The following RO60 variants were observed in gnomAD, a reference collection of about 807,000 sequenced individuals.
RO60 encodes the protein RNA-binding protein RO60.
RO60 carries 20 observed loss-of-function variants against 55.3 expected under a neutral mutation model. That is an observed-to-expected ratio of 0.36 (90% CI 0.25 to 0.53). The LOEUF is 0.53. RO60 is among the 20% of genes least tolerant of loss of function. The pLI is 0.92. For synonymous variants in RO60, 213 were observed against 213.6 expected, an observed-to-expected ratio of 1.00 and a Z score of 0.02; for missense variants, 558 against 646.6, an observed-to-expected ratio of 0.86 and a Z score of 1.49.
At chr1:193,074,499 A>G (rs1673758088) in intron 2 of RO60, among the ~76,000 whole-genome samples, 1 of 152,188 alleles carries the variant, frequency 6.6e-6, no homozygotes. Flanking sequence ...GATGATGAGC[A>G]TGTTTTCATA....
intron 1 of RO60, chr1:193,060,008 T>G (rs1672374298): frequency 7.3e-7 from 1 of 1,361,258 alleles, no homozygotes; most frequent in Non-Finnish European, 9.8e-7. Flanking sequence ...TTCCTCAGGG[T>G]GGGCCCTTTC....
At chr1:193,083,857 A>G (rs1674483836) in intron 8 of RO60, among the ~76,000 whole-genome samples, 1 of 152,208 alleles carries the variant, frequency 6.6e-6, no homozygotes, top group East Asian at 1.9e-4. Flanking sequence ...AAGCACTGAG[A>G]TTACAGCCAT....
chr1:193,060,183 G>T (rs1672440833), intron 1 of RO60: 2 of 1,055,298 alleles, frequency 1.9e-6, no homozygotes, highest in Non-Finnish European at 1.2e-6. Context: ...GGAAGACAGG[G>T]TGAATTTATC....
At position 193,089,529 on chromosome 1, in the gene RO60, T is replaced by G. The variant is rs1674769178; in HGVS notation, c.*4798T>G. 1 of 152,148 alleles carries G rather than the reference T, an allele frequency of 6.6e-6. No individual in the cohort carries two copies. Among genetic ancestry groups the G allele is most frequent in the Non-Finnish European group, 1.5e-5 (1 of 68,012 alleles). The allele number at this position is 152,148 out of a possible 1,614,324, so 9.4% of individuals were successfully genotyped here. A position where few individuals can be genotyped will look rare whatever the true frequency, so the allele number is the denominator to read the frequency against. ...TAATAATGTAGTTAAGCATACTGTTTGAATAAAATTATAATAAATGGCACA... is the reference window on the plus strand; with the variant it reads ...TAATAATGTAGTTAAGCATACTGTTGGAATAAAATTATAATAAATGGCACA... On this transcript the variant is annotated 3_prime_UTR_variant, in exon 9 of 9. Transcript: ENST00000400968.
chr1:193,066,276 C>G (rs1311409878), intron 1 of RO60, among the ~76,000 whole-genome samples: 1 of 152,178 alleles, frequency 6.6e-6, no homozygotes, highest in Non-Finnish European at 1.5e-5. Context: ...TTAGCATCTT[C>G]CCATTGAAAA....
At position 193,059,867 on chromosome 1, in the gene RO60, A is replaced by C; in HGVS notation, c.-22+91A>C. The C allele has an allele frequency of 7.3e-7, 1 of 1,364,514 alleles. No individual in the cohort carries two copies. The highest frequency in any genetic ancestry group is 9.8e-7 in the Non-Finnish European group (1 of 1,021,042). The allele number at this position is 1,364,514 out of a possible 1,614,324, so 84.5% of individuals were successfully genotyped here. The stretch of plus-strand genomic sequence containing the variant: ...CCAGTCCTCCATGTCTCTCACCCGC[A>C]TCCCAGGGGTTGAGGCTGGGCAAAC... On this transcript the variant is annotated intron_variant, in intron 1 of 8. Transcript: ENST00000400968. The surrounding 1 kb of genome is among the most constrained non-coding windows in gnomAD (Gnocchi z 4.9).
At chr1:193,082,400 AT>A (rs1674375148) in intron 7 of RO60, 101 bp downstream of exon 7, 43 of 1,337,386 alleles carry the variant, frequency 3.2e-5, no homozygotes, top group South Asian at 4.0e-5. Flanking sequence ...TGAGAACAAA[AT>A]TTTTTTTGTC....
Position 193,069,103 on chromosome 1 carries a change from G to A in RO60, c.49G>A (p.Ala17Thr), listed in dbSNP as rs767625313. The change falls in exon 2 of 9, where the codon GCC (alanine) becomes ACC (threonine). Residue 17 changes from alanine (A) to threonine (T), a missense_variant. Physicochemically the swap from Ala to Thr is moderately conservative, Grantham distance 58. Transcript: ENST00000400968. Reference protein sequence around the residue: ...QMQPLNEKQIANSQDGYVWQV... With the variant: ...QMQPLNEKQITNSQDGYVWQV... ...GCAGCCACTGAATGAGAAGCAGATAGCCAATTCTCAGGATGGATATGTATG... is the reference window on the plus strand; with the variant it reads ...GCAGCCACTGAATGAGAAGCAGATAACCAATTCTCAGGATGGATATGTATG... 3.7e-6 allele frequency: 6 copies of A among 1,614,034 alleles called. No homozygotes were observed. The highest frequency in any genetic ancestry group is 5.1e-6 in the Non-Finnish European group (6 of 1,179,946).
Position 193,085,497 on chromosome 1 carries a change from T to C in RO60, c.*766T>C, listed in dbSNP as rs1674587112. 1 of 985,132 alleles carries C rather than the reference T, an allele frequency of 1.0e-6. No individual in the cohort carries two copies. The highest frequency in any genetic ancestry group is 1.7e-5 in the African/African-American group (1 of 57,268). The allele number at this position is 985,132 out of a possible 1,614,324, so 61.0% of individuals were successfully genotyped here. On this transcript the variant is annotated 3_prime_UTR_variant, in exon 9 of 9. Coordinates refer to ENST00000400968, the MANE Select transcript of RO60 (RefSeq NM_001173524.2). Reference sequence around the variant, plus strand: ...TATTGCTACAAGGGGTGTGACTTGATAATGATTTCCTCTGAATTATAATAA... The same window carrying C: ...TATTGCTACAAGGGGTGTGACTTGACAATGATTTCCTCTGAATTATAATAA...
At chr1:193,065,209 T>G (rs1398882974) in intron 1 of RO60, among the ~76,000 whole-genome samples, 1 of 152,330 alleles carries the variant, frequency 6.6e-6, no homozygotes, top group East Asian at 1.9e-4. Flanking sequence ...AAGTATGTAT[T>G]GCTAATTACA....
chr1:193,069,342 T>C lies in RO60; in HGVS notation c.288T>C (p.Leu96=). 1 of 1,614,254 alleles carries C rather than the reference T, an allele frequency of 6.2e-7. No individual in the cohort carries two copies. Among genetic ancestry groups the C allele is most frequent in the Non-Finnish European group, 8.5e-7 (1 of 1,180,040 alleles). Residue 96 remains leucine, a synonymous_variant, in exon 2 of 9, where the codon CTT becomes CTC. Coordinates refer to ENST00000400968, the MANE Select transcript of RO60 (RefSeq NM_001173524.2). The part of the protein sequence containing the change: ...TTKQEPMLFA[L]AICSQCSDIS... Reference sequence around the variant, plus strand: ...AGCAAGAGCCTATGCTCTTTGCACTTGCCATTTGTTCCCAGTGCTCCGACA... The same window carrying C: ...AGCAAGAGCCTATGCTCTTTGCACTCGCCATTTGTTCCCAGTGCTCCGACA...
At chr1:193,062,317 T>G (rs1672834239) in intron 1 of RO60, among the ~76,000 whole-genome samples, 1 of 152,218 alleles carries the variant, frequency 6.6e-6, no homozygotes. Context: ...TAAGTTGCTG[T>G]ATATGTCTTG....
At position 193,085,606 on chromosome 1, in the gene RO60, A is replaced by G. The variant is rs1053067411; in HGVS notation, c.*875A>G. On this transcript the variant is annotated 3_prime_UTR_variant, in exon 9 of 9. Transcript: ENST00000400968. ...TGTTTCAAGCGCTTAACTCCCCCTC[A>G]TTCACAAAGTATAACAATTAAAATC... is the stretch of plus-strand genomic sequence containing the variant. 9.1e-6 allele frequency: 9 copies of G among 984,458 alleles called. No homozygotes were observed. In the African/African-American group the frequency reaches 1.4e-4, roughly 15 times the overall value. The allele number at this position is 984,458 out of a possible 1,614,324, so 61.0% of individuals were successfully genotyped here.
intron 1 of RO60, among the ~76,000 whole-genome samples, chr1:193,062,660 A>G (rs1190414940): frequency 6.6e-6 from 1 of 152,304 alleles, no homozygotes; most frequent in African/African-American, 2.4e-5. Context: ...TCCCCTACCC[A>G]TTAGCAGTCA....
chr1:193,060,349 T>G (rs2103001164), intron 1 of RO60: 1 of 260,686 alleles, frequency 3.8e-6, no homozygotes, highest in South Asian at 4.1e-5. Flanking sequence ...GATGATGAGT[T>G]AAACCAAATA....
Position 193,059,752 on chromosome 1 carries a change from C to A in RO60, c.-46C>A. On this transcript the variant is annotated 5_prime_UTR_variant, in exon 1 of 9. Transcript: ENST00000400968. This position sits in a 1 kb window ranked among gnomAD's most constrained non-coding sequence, Gnocchi z 4.9. ...GACTTCTCCTGGCGGCGCTGCGGAT[C>A]CAGGGGGTCGGCTGCCAGGTACAGG... 7.4e-7 allele frequency: 1 copy of A among 1,355,794 alleles called. No homozygotes were observed. The highest frequency in any genetic ancestry group is 2.0e-5 in the Admixed American group (1 of 50,536). The allele number at this position is 1,355,794 out of a possible 1,614,324, so 84.0% of individuals were successfully genotyped here.
At chr1:193,066,264 T>A (rs919541724) in intron 1 of RO60, among the ~76,000 whole-genome samples, 1 of 152,228 alleles carries the variant, frequency 6.6e-6, no homozygotes, top group Non-Finnish European at 1.5e-5. Flanking sequence ...AATCTTTCAA[T>A]GTTAGCATCT....
Position 193,082,231 on chromosome 1 carries a change from G to C in RO60, c.1249G>C (p.Asp417His). Residue 417 changes from aspartate (D) to histidine (H), a missense_variant, in exon 7 of 9, where the codon GAT (aspartate) becomes CAT (histidine). Transcript: ENST00000400968. The part of the protein sequence containing the change: ...EKDSYVVAFS[D>H]EMVPCPVTTD... ...AGATTCTTATGTAGTTGCTTTTTCC[G>C]ATGAAATGGTACCATGTCCAGTGAC... 1 of 1,613,218 alleles carries C rather than the reference G, an allele frequency of 6.2e-7. No homozygotes were observed. The highest frequency in any genetic ancestry group is 8.5e-7 in the Non-Finnish European group (1 of 1,179,628).
intron 1 of RO60, among the ~76,000 whole-genome samples, chr1:193,064,873 A>T (rs1036132901): frequency 5.9e-5 from 9 of 152,222 alleles, no homozygotes; most frequent in African/African-American, 1.7e-4. Context: ...TTAAAAGTTC[A>T]TTTTGCTGCT....
Sources: allele counts gnomAD v4.1 joint callset (sites outside exome capture counted in the v4.1 genomes callset), GRCh38; gene constraint gnomAD v4.1.1; non-coding constraint Gnocchi (gnomAD v3.1); transcripts MANE v1.5; gene names NCBI Gene and HGNC (gene_info 2026-07-23, HGNC 2026-07-21).